Variants in BAZ2B observed in about 807,000 individuals in gnomAD.
BAZ2B encodes the protein bromodomain adjacent to zinc finger domain 2B.
BAZ2B carries 91 observed loss-of-function variants against 246.0 expected under a neutral mutation model. The ratio of observed to expected loss-of-function variants is 0.37; its 90% CI spans 0.31 to 0.44. BAZ2B has a LOEUF of 0.44. BAZ2B is among the 20% of genes least tolerant of loss of function. The pLI is 1.00. For synonymous variants in BAZ2B, 855 were observed against 860.0 expected, an observed-to-expected ratio of 0.99 and a Z score of 0.10; for missense variants, 2,332 against 2,533.7, an observed-to-expected ratio of 0.92 and a Z score of 1.71.
chr2:159,417,831 G>A (rs948151371), intron 13 of BAZ2B, among the ~76,000 whole-genome samples: 1 of 152,172 alleles, frequency 6.6e-6, no homozygotes, highest in African/African-American at 2.4e-5. Context: ...TTCTAAGGCA[G>A]GTGACCCTAG....
intron 1 of BAZ2B, among the ~76,000 whole-genome samples, chr2:159,567,965 C>T (rs957352656): frequency 6.6e-6 from 1 of 151,946 alleles, no homozygotes; most frequent in Non-Finnish European, 1.5e-5. Context: ...AGTGAGATTC[C>T]GTCTCAAAAA....
intron 6 of BAZ2B, among the ~76,000 whole-genome samples, chr2:159,445,562 AAGATACC>A (rs1472176007): frequency 6.6e-6 from 1 of 152,206 alleles, no homozygotes; most frequent in Non-Finnish European, 1.5e-5. Context: ...ACTGCTTGCT[AAGATACC>A]AGAAAAACAT....
chr2:159,393,858 C>T (rs1233261614), intron 20 of BAZ2B, among the ~76,000 whole-genome samples: 2 of 152,162 alleles, frequency 1.3e-5, no homozygotes, highest in Admixed American at 1.3e-4. Flanking sequence ...TCTCCTTCAC[C>T]TCTCTGCAGC....
chr2:159,374,454 C>T (rs757815361), intron 26 of BAZ2B, among the ~76,000 whole-genome samples: 1 of 152,086 alleles, frequency 6.6e-6, no homozygotes, highest in Admixed American at 6.6e-5. Flanking sequence ...TTCAATATCA[C>T]GTTTTAAGAG....
chr2:159,681,497 T>C, the BAZ2B span, among the ~76,000 whole-genome samples: 1 of 149,796 alleles, frequency 6.7e-6, no homozygotes, highest in Non-Finnish European at 1.5e-5. Context: ...AAGAAAAATA[T>C]AGCCACTGAA....
At chr2:159,340,757 C>T (rs999802626) in intron 31 of BAZ2B, among the ~76,000 whole-genome samples, 1 of 151,984 alleles carries the variant, frequency 6.6e-6, no homozygotes, top group Admixed American at 6.6e-5. Flanking sequence ...GCAAGAAATG[C>T]TCAAGGACTC....
chr2:159,376,041 A>T (rs949556024), intron 25 of BAZ2B, among the ~76,000 whole-genome samples: 1 of 152,160 alleles, frequency 6.6e-6, no homozygotes. Flanking sequence ...CAACAGAAGA[A>T]CTATCTCCAA....
chr2:159,681,914 C>T, the BAZ2B span, among the ~76,000 whole-genome samples: 1 of 149,660 alleles, frequency 6.7e-6, no homozygotes, highest in African/African-American at 2.4e-5. Context: ...AACAGAGACT[C>T]CGTCTCAAAA....
chr2:159,482,534 C>T (rs538394020), intron 2 of BAZ2B, among the ~76,000 whole-genome samples: 1 of 152,136 alleles, frequency 6.6e-6, no homozygotes, highest in Non-Finnish European at 1.5e-5. Context: ...TCAAGGTATT[C>T]TAAATTATTC....
intron 11 of BAZ2B, 100 bp from the exon 12 acceptor site, chr2:159,428,519 A>C: frequency 1.2e-6 from 1 of 800,906 alleles, no homozygotes; most frequent in South Asian, 2.6e-5. Context: ...AGAAAACATA[A>C]AAAATGAAAA....
At chr2:159,579,156 A>C (rs1578574748) in intron 1 of BAZ2B, among the ~76,000 whole-genome samples, 1 of 152,154 alleles carries the variant, frequency 6.6e-6, no homozygotes, top group Non-Finnish European at 1.5e-5. Context: ...GAAAACATCA[A>C]CAAAACTGAT....
At chr2:159,521,192 GTTCA>G (rs1398375428) in intron 2 of BAZ2B, among the ~76,000 whole-genome samples, 1 of 151,800 alleles carries the variant, frequency 6.6e-6, no homozygotes, top group Non-Finnish European at 1.5e-5. Context: ...GATTCATTCT[GTTCA>G]TTAAAAAAGT....
chr2:159,499,235 T>C (rs1577816311), intron 2 of BAZ2B, among the ~76,000 whole-genome samples: 1 of 152,354 alleles, frequency 6.6e-6, no homozygotes, highest in East Asian at 1.9e-4. Flanking sequence ...TGTTCACATG[T>C]TCTCATTATT....
chr2:159,559,629 C>T (rs1048484424), intron 1 of BAZ2B, among the ~76,000 whole-genome samples: 1 of 152,134 alleles, frequency 6.6e-6, no homozygotes, highest in Non-Finnish European at 1.5e-5. Flanking sequence ...ATTCCTTCCT[C>T]ATGGTAGCAA....
At chr2:159,563,315 A>T (rs989763463) in intron 1 of BAZ2B, among the ~76,000 whole-genome samples, 1 of 152,168 alleles carries the variant, frequency 6.6e-6, no homozygotes, top group African/African-American at 2.4e-5. Flanking sequence ...GCATATATTC[A>T]TTATGTACCT....
chr2:159,555,076 G>A (rs2088898364), intron 2 of BAZ2B, among the ~76,000 whole-genome samples: 1 of 145,742 alleles, frequency 6.9e-6, no homozygotes, highest in Non-Finnish European at 1.5e-5. Context: ...GGGGGTGTGT[G>A]TGTGTGTGTG....
At chr2:159,565,396 T>C in intron 1 of BAZ2B, among the ~76,000 whole-genome samples, 1 of 152,110 alleles carries the variant, frequency 6.6e-6, no homozygotes, top group Admixed American at 6.5e-5. Context: ...TGGGAGACAG[T>C]ATAACACACA....
the BAZ2B span, among the ~76,000 whole-genome samples, chr2:159,628,723 G>C: frequency 1.3e-5 from 2 of 152,148 alleles, no homozygotes; most frequent in African/African-American, 2.4e-5. Flanking sequence ...AACCCTAGAA[G>C]AAAACCTAGG....
chr2:159,577,327 T>C (rs960351872), intron 1 of BAZ2B, among the ~76,000 whole-genome samples: 25 of 152,224 alleles, frequency 1.6e-4, no homozygotes, highest in Non-Finnish European at 2.8e-4. Flanking sequence ...TTTATAAATG[T>C]GTGTGTATAT....
Sources: gnomAD v4.1 joint callset for allele counts (sites outside exome capture counted in the v4.1 genomes callset) on GRCh38, gnomAD v4.1.1 for gene constraint, MANE v1.5 for transcripts, NCBI Gene and HGNC (gene_info 2026-07-23, HGNC 2026-07-21) for gene names.